The following OPRL1 variants were observed in gnomAD, a reference collection of about 807,000 sequenced individuals.
OPRL1 encodes the protein nociceptin receptor.
A neutral mutation model predicts 15.5 loss-of-function variants in OPRL1; 5 were observed. The observed-to-expected ratio is 0.32, with a 90% CI of 0.17 to 0.68. The LOEUF (loss-of-function observed/expected upper bound fraction) is 0.68. OPRL1 is among the 30% of genes least tolerant of loss of function. The pLI, the probability that OPRL1 is intolerant of heterozygous loss-of-function variation, is 0.72. For missense variants in OPRL1, 406 were observed against 515.3 expected (o/e 0.79, Z 2.05); for synonymous variants, 223 against 230.2 (o/e 0.97, Z 0.28).
chr20:64,088,213 G>A (rs910840991), intron 1 of OPRL1, among the ~76,000 whole-genome samples: 71 of 152,254 alleles, frequency 4.7e-4, no homozygotes, highest in African/African-American at 1.7e-3. Context: ...CTTGGAGGAG[G>A]TAGGACTGGA....
chr20:64,088,039 C>A lies in OPRL1; in HGVS notation c.-184-3927C>A, dbSNP rs529498492. 2.6e-5 allele frequency among the ~76,000 whole-genome samples: 4 copies of A among 152,372 alleles called. No homozygotes were observed. In the East Asian group the frequency reaches 5.8e-4, roughly 22 times the overall value. ...AGGCCTGTCTTTCACTCTAAGACTGCGCCTGTGAGGGGCCAGGTGCCTGCC... is the reference window on the plus strand; with the variant it reads ...AGGCCTGTCTTTCACTCTAAGACTGAGCCTGTGAGGGGCCAGGTGCCTGCC... On this transcript the variant is annotated intron_variant, in intron 1 of 4. Transcript: ENST00000336866.
intron 1 of OPRL1, among the ~76,000 whole-genome samples, chr20:64,081,808 C>A (rs1468785459): frequency 1.3e-5 from 2 of 152,206 alleles, no homozygotes; most frequent in Non-Finnish European, 2.9e-5. Flanking sequence ...GATCAAAGGG[C>A]CCGAGTGCCG....
rs375520177 is a variant in OPRL1, at chr20:64,083,518, C to T, written c.-185+3166C>T. The T allele has an allele frequency of 3.8e-6, 6 of 1,573,644 alleles. No individual in the cohort carries two copies. The highest frequency in any genetic ancestry group is 5.2e-6 in the Non-Finnish European group (6 of 1,160,520). Reference sequence around the variant, plus strand: ...CGCTGCCGGGGAGAGAGGCTGGGGTCCGGCGTGTGCGGAGGCGGGCAGGGC... The same window carrying T: ...CGCTGCCGGGGAGAGAGGCTGGGGTTCGGCGTGTGCGGAGGCGGGCAGGGC... On this transcript the variant is annotated intron_variant, in intron 1 of 4. Transcript: ENST00000336866. This position sits in a 1 kb window ranked among gnomAD's most constrained non-coding sequence, Gnocchi z 4.9.
intron 1 of OPRL1, among the ~76,000 whole-genome samples, chr20:64,088,840 G>T (rs79781903): frequency 9.7e-4 from 22 of 22,608 alleles, no homozygotes; most frequent in East Asian, 2.0e-3. Flanking sequence ...AGGGAGGGCA[G>T]GATCTGTGCA....
chr20:64,099,444 GAA>G lies in OPRL1; in HGVS notation c.*647_*648del, dbSNP rs898934812. ...CTGTGCAGCCGGGGCCACCCCAGGA[GAA>G]AGTGTCCAGGTGGGGGCTGGCAGTC... On this transcript the variant is annotated 3_prime_UTR_variant, in exon 5 of 5. Coordinates refer to ENST00000336866, the MANE Select transcript of OPRL1 (RefSeq NM_182647.4). 2 of 152,604 alleles carry G rather than the reference GAA, an allele frequency of 1.3e-5. No individual in the cohort carries two copies. The highest frequency in any genetic ancestry group is 4.8e-5 in the African/African-American group (2 of 41,458). 9.5% of individuals were successfully genotyped at this position (152,604 alleles called of 1,614,324 possible).
rs1195578736 is a variant in OPRL1 at position 64,097,600 on chromosome 20, C to G, written c.234-202C>G. ...GAGGAGCTGGTTAAGACGTTTGACC[C>G]CAGGCCCTACCCCCTGAGACTGACT... On this transcript the variant is annotated intron_variant, in intron 3 of 4. Coordinates refer to ENST00000336866, the MANE Select transcript of OPRL1 (RefSeq NM_182647.4). This position sits in a 1 kb window ranked among gnomAD's most constrained non-coding sequence, Gnocchi z 4.2. 1.3e-5 allele frequency among the ~76,000 whole-genome samples: 2 copies of G among 152,150 alleles called. No homozygotes were observed. Among genetic ancestry groups the G allele is most frequent in the Non-Finnish European group, 2.9e-5 (2 of 68,014 alleles).
rs774683342 is a variant in OPRL1 at position 64,098,404 on chromosome 20, C to T, written c.718C>T (p.Arg240Trp). The T allele has an allele frequency of 3.2e-5, 52 of 1,613,662 alleles. No homozygotes were observed. The highest frequency in any genetic ancestry group is 1.6e-4 in the Middle Eastern group (1 of 6,062). The change falls in exon 5 of 5, where the codon CGG becomes TGG. Residue 240 changes from arginine to tryptophan, a missense_variant. Physicochemically the swap from Arg to Trp is moderately radical, Grantham distance 101 (BLOSUM62 -3). Transcript: ENST00000336866. Reference sequence around the variant, plus strand: ...CTCTGTCTGCTACAGCCTCATGATCCGGCGGCTCCGTGGAGTCCGCCTGCT... The same window carrying T: ...CTCTGTCTGCTACAGCCTCATGATCTGGCGGCTCCGTGGAGTCCGCCTGCT... ...VISVCYSLMI[R>W]RLRGVRLLSG...
rs201752210 is a variant in OPRL1, at chr20:64,098,045, C to T, written c.477C>T (p.Leu159=). 20 of 1,613,396 alleles carry T rather than the reference C, an allele frequency of 1.2e-5. No individual in the cohort carries two copies. The highest frequency in any genetic ancestry group is 5.5e-5 in the South Asian group (5 of 91,086). The change falls in exon 4 of 5, where the codon CTC becomes CTT. Residue 159 remains leucine, a synonymous_variant. Coordinates refer to ENST00000336866, the MANE Select transcript of OPRL1 (RefSeq NM_182647.4). ...YVAICHPIRA[L]DVRTSSKAQA... is the part of the protein sequence containing the mutation. The stretch of plus-strand genomic sequence containing the variant: ...CCATCTGCCACCCCATCCGTGCCCT[C>T]GACGTCCGCACGTCCAGCAAAGCCC...
At position 64,098,360 on chromosome 20, in the gene OPRL1, T is replaced by C. The variant is rs1489654577; in HGVS notation, c.674T>C (p.Ile225Thr). The stretch of plus-strand genomic sequence containing the variant: ...ATCTGCATCTTCCTCTTCTCCTTCA[T>C]CGTCCCCGTGCTCGTCATCTCTGTC... ...FAICIFLFSF[I>T]VPVLVISVCY... The change falls in exon 5 of 5, where the codon ATC (isoleucine) becomes ACC (threonine). Residue 225 changes from isoleucine (I) to threonine (T), a missense_variant. Transcript: ENST00000336866. 1 of 1,613,940 alleles carries C rather than the reference T, an allele frequency of 6.2e-7. No homozygotes were observed. The highest frequency in any genetic ancestry group is 1.7e-5 in the Admixed American group (1 of 60,022).
chr20:64,083,977 G>T lies in OPRL1; in HGVS notation c.-185+3625G>T, dbSNP rs1267139814. 2 of 1,469,652 alleles carry T rather than the reference G, an allele frequency of 1.4e-6. No homozygotes were observed. Among genetic ancestry groups the T allele is most frequent in the Middle Eastern group, 2.2e-4 (1 of 4,446 alleles). 91.0% of individuals were successfully genotyped at this position (1,469,652 alleles called of 1,614,324 possible). On this transcript the variant is annotated intron_variant, in intron 1 of 4. Coordinates refer to ENST00000336866, the MANE Select transcript of OPRL1 (RefSeq NM_182647.4). The surrounding 1 kb of genome is among the most constrained non-coding windows in gnomAD (Gnocchi z 4.9). ...TGCGGTACCCCGGTTCCACCGACCC[G>T]CACGGGAAGGTGGAGGCCGCCGCGC... is the stretch of plus-strand genomic sequence containing the variant.
At position 64,098,862 on chromosome 20, in the gene OPRL1, G is replaced by C. The variant is rs935860527; in HGVS notation, c.*63G>C. ...AGAGCCCATCTACGCCCAACACAGA[G>C]CTCACACAGGTCACTGCTCTCTAGG... On this transcript the variant is annotated 3_prime_UTR_variant, in exon 5 of 5. Coordinates refer to ENST00000336866, the MANE Select transcript of OPRL1 (RefSeq NM_182647.4). 13 of 1,521,590 alleles carry C rather than the reference G, an allele frequency of 8.5e-6. No individual in the cohort carries two copies. In the African/African-American group the frequency reaches 1.8e-4, roughly 21 times the overall value. 94.3% of individuals were successfully genotyped at this position (1,521,590 alleles called of 1,614,324 possible). A position where few individuals can be genotyped will look rare whatever the true frequency, so the allele number is the denominator to read the frequency against.
intron 3 of OPRL1, among the ~76,000 whole-genome samples, chr20:64,093,302 C>T (rs1411568033): frequency 1.3e-5 from 2 of 150,438 alleles, no homozygotes; most frequent in African/African-American, 4.9e-5. Flanking sequence ...CTTTTTTCAG[C>T]CCATTCCCTA....
At chr20:64,084,406 A>T (rs746335458) in intron 1 of OPRL1, 7 of 1,271,096 alleles carry the variant, frequency 5.5e-6, no homozygotes, top group Non-Finnish European at 6.9e-6. Flanking sequence ...TCCCAAGCGC[A>T]CGTCCCCAGC....
At chr20:64,095,500 A>G (rs1000663489) in intron 3 of OPRL1, among the ~76,000 whole-genome samples, 3 of 151,276 alleles carry the variant, frequency 2.0e-5, no homozygotes, top group Non-Finnish European at 2.9e-5. Context: ...GGGCAGAGGA[A>G]ATGATGGACC....
chr20:64,095,528 A>G (rs1457753650), intron 3 of OPRL1, among the ~76,000 whole-genome samples: 1 of 151,282 alleles, frequency 6.6e-6, no homozygotes, highest in African/African-American at 2.4e-5. Flanking sequence ...TATCCAGAGA[A>G]GAGAGAACTG....
At position 64,097,838 on chromosome 20, in the gene OPRL1, CT is replaced by C; in HGVS notation, c.273del (p.Phe91LeufsTer12). On this transcript the variant is annotated frameshift_variant, in exon 4 of 5. Transcript: ENST00000336866. LOFTEE classifies it high-confidence loss of function. This position sits in a 1 kb window ranked among gnomAD's most constrained non-coding sequence, Gnocchi z 4.2. ...TGAAGACAGCCACCAATATTTACATCTTTAACCTGGCCCTGGCCGACACTCT... is the reference window on the plus strand; with the variant it reads ...TGAAGACAGCCACCAATATTTACATCTTAACCTGGCCCTGGCCGACACTCT... ...KMKTATNIYIFNLALADTLVL... is the reference protein window; with the variant it reads ...KMKTATNIYIXNLALADTLVL... The C allele has an allele frequency of 6.2e-7, 1 of 1,613,562 alleles. No homozygotes were observed. Among genetic ancestry groups the C allele is most frequent in the Non-Finnish European group, 8.5e-7 (1 of 1,179,940 alleles).
chr20:64,085,461 G>C (rs747725470), intron 1 of OPRL1, among the ~76,000 whole-genome samples: 4 of 152,130 alleles, frequency 2.6e-5, no homozygotes, highest in Admixed American at 6.5e-5. Flanking sequence ...GGGATCTTGG[G>C]TCCTAGATAC....
chr20:64,088,845 T>C (rs1019181102), intron 1 of OPRL1, among the ~76,000 whole-genome samples: 3 of 136,328 alleles, frequency 2.2e-5, no homozygotes, highest in Non-Finnish European at 4.9e-5. Flanking sequence ...GGGCAGGATC[T>C]GTGCAGGGAG....
rs368015599 is a variant in OPRL1, at chr20:64,088,737, G to C, written c.-184-3229G>C. On this transcript the variant is annotated intron_variant, in intron 1 of 4. Transcript: ENST00000336866. ...AGAGTGGCCAGGATCTGTGCAAGGG[G>C]TAGGATCTGTGCAGAGTGGCCAGGA... 8.6e-3 allele frequency among the ~76,000 whole-genome samples: 71 copies of C among 8,212 alleles called. 11 individuals are homozygous for C. The highest frequency in any genetic ancestry group is 0.014 in the Admixed American group (11 of 770). 5.4% of individuals were successfully genotyped at this position (8,212 alleles called of 152,430 possible). A position where few individuals can be genotyped will look rare whatever the true frequency, so the allele number is the denominator to read the frequency against.
Sources: allele counts gnomAD v4.1 joint callset (sites outside exome capture counted in the v4.1 genomes callset), GRCh38; gene constraint gnomAD v4.1.1; non-coding constraint Gnocchi (gnomAD v3.1); transcripts MANE v1.5; gene names NCBI Gene and HGNC (gene_info 2026-07-23, HGNC 2026-07-21).